Variants in NKTR observed in about 807,000 individuals in gnomAD.
NKTR encodes natural killer cell triggering receptor, also known as NK-tumor recognition protein.
Under a neutral mutation model 156.3 loss-of-function variants are expected in NKTR, and 67 were observed. The ratio of observed to expected loss-of-function variants is 0.43; its 90% CI spans 0.35 to 0.53. The LOEUF is 0.53. Ranked by LOEUF, NKTR falls within the 20% of genes least tolerant of loss-of-function variation. NKTR has a pLI of 0.01. For missense variants in NKTR, 1,604 were observed against 1,730.9 expected, an observed-to-expected ratio of 0.93 and a Z score of 1.30; for synonymous variants, 640 against 596.6, an observed-to-expected ratio of 1.07 and a Z score of -1.06.
intron 7 of NKTR, 173 bp downstream of exon 7, chr3:42,630,748 CAT>C: frequency 7.1e-7 from 1 of 1,412,336 alleles, no homozygotes; most frequent in Non-Finnish European, 9.3e-7. Flanking sequence ...CCATGGCTCT[CAT>C]GTGACTGAAG....
At chr3:42,616,341 A>G (rs1559558676) in intron 2 of NKTR, among the ~76,000 whole-genome samples, 1 of 152,228 alleles carries the variant, frequency 6.6e-6, no homozygotes, top group Non-Finnish European at 1.5e-5. Context: ...TTCTTATTTT[A>G]TTGATACGCT....
rs1172549192 is a variant in NKTR, at chr3:42,619,531, CTG to C, written c.242-132_242-131del. 7 of 1,516,224 alleles carry C rather than the reference CTG, an allele frequency of 4.6e-6. No homozygotes were observed. In the East Asian group the frequency reaches 1.5e-4, roughly 32 times the overall value. The allele number at this position is 1,516,224 out of a possible 1,614,324, so 93.9% of individuals were successfully genotyped here. ...TTACAGATGAAGTTAATTGAGGACT[CTG>C]AGAATTTTGATTATTGCAGCAGTTA... On this transcript the variant is annotated intron_variant, in intron 4 of 16. Transcript: ENST00000232978.
At position 42,639,079 on chromosome 3, in the gene NKTR, A is replaced by C; in HGVS notation, c.3375A>C (p.Thr1125=). Residue 1125 remains threonine, a synonymous_variant, in exon 13 of 17, where the codon ACA becomes ACC. Coordinates refer to ENST00000232978, the MANE Select transcript of NKTR (RefSeq NM_005385.4). The stretch of plus-strand genomic sequence containing the variant: ...ATGGAGTGGAAGATGTGCTTCAAAC[A>C]GATGACAACATGGAGATCTGCACTC... ...VPNGVEDVLQ[T]DDNMEICTPD... The C allele has an allele frequency of 6.2e-7, 1 of 1,614,114 alleles. No individual in the cohort carries two copies. Among genetic ancestry groups the C allele is most frequent in the Non-Finnish European group, 8.5e-7 (1 of 1,180,014 alleles).
intron 2 of NKTR, among the ~76,000 whole-genome samples, chr3:42,607,523 G>A (rs1034050401): frequency 6.6e-6 from 1 of 151,990 alleles, no homozygotes; most frequent in Admixed American, 6.6e-5. Context: ...AAAAAAAGAT[G>A]GAGACTGTTT....
At chr3:42,624,755 A>T (rs1485254053) in intron 6 of NKTR, among the ~76,000 whole-genome samples, 1 of 152,188 alleles carries the variant, frequency 6.6e-6, no homozygotes, top group Non-Finnish European at 1.5e-5. Flanking sequence ...GATTAGAAGC[A>T]TCAAACATTT....
At chr3:42,610,667 A>C (rs1305874026) in intron 2 of NKTR, among the ~76,000 whole-genome samples, 1 of 151,798 alleles carries the variant, frequency 6.6e-6, no homozygotes, top group Non-Finnish European at 1.5e-5. Context: ...TAGATTTCCT[A>C]ATGTTGAATA....
chr3:42,611,895 A>C (rs1706857917), intron 2 of NKTR, among the ~76,000 whole-genome samples: 1 of 152,058 alleles, frequency 6.6e-6, no homozygotes, highest in Non-Finnish European at 1.5e-5. Flanking sequence ...CTCCAACTGA[A>C]ATTATTTTTA....
chr3:42,630,023 CAG>C lies in NKTR; in HGVS notation c.375-521_375-520del, dbSNP rs1014773808. 7 of 985,442 alleles carry C rather than the reference CAG, an allele frequency of 7.1e-6. No individual in the cohort carries two copies. The Admixed American group carries it at 1.8e-4, about 26-fold the overall frequency. 61.0% of individuals were successfully genotyped at this position (985,442 alleles called of 1,614,324 possible). A position where few individuals can be genotyped will look rare whatever the true frequency, so the allele number is the denominator to read the frequency against. On this transcript the variant is annotated intron_variant, in intron 6 of 16. Coordinates refer to ENST00000232978, the MANE Select transcript of NKTR (RefSeq NM_005385.4). ...GGAAGATGGGCAGGAATTCTGGAAA[CAG>C]AACTCCTGAGACCTACCTCTGCCTG...
Position 42,639,349 on chromosome 3 carries a change from G to A in NKTR, c.3645G>A (p.Glu1215=). The change falls in exon 13 of 17, where the codon GAG becomes GAA. Residue 1215 remains glutamate (E), a synonymous_variant. Coordinates refer to ENST00000232978, the MANE Select transcript of NKTR (RefSeq NM_005385.4). ...GTACCGGGAAGAAGGAGGTGGCTGA[G>A]AAGAGCCAGATCAACCTCATTGATA... ...GESTGKKEVA[E]KSQINLIDKK... 6.2e-7 allele frequency: 1 copy of A among 1,614,142 alleles called. No individual in the cohort carries two copies. The highest frequency in any genetic ancestry group is 8.5e-7 in the Non-Finnish European group (1 of 1,180,026).
chr3:42,620,683 AACTCTAAGTGATC>A (rs1707828231), intron 5 of NKTR: 1 of 984,370 alleles, frequency 1.0e-6, no homozygotes, highest in South Asian at 4.7e-5. Context: ...GAATTAAAAT[AACTCTAAGTGATC>A]TTTATCACAG....
At chr3:42,636,533 G>C (rs1709430995) in intron 12 of NKTR, among the ~76,000 whole-genome samples, 1 of 152,190 alleles carries the variant, frequency 6.6e-6, no homozygotes, top group Non-Finnish European at 1.5e-5. Context: ...TAGAGGCAGA[G>C]GGTTGTGAGC....
intron 2 of NKTR, among the ~76,000 whole-genome samples, chr3:42,616,306 A>G (rs1269349330): frequency 6.6e-6 from 1 of 152,230 alleles, no homozygotes; most frequent in Non-Finnish European, 1.5e-5. Flanking sequence ...ACTGAAGAGT[A>G]ATTAATTGCA....
At chr3:42,613,077 A>T (rs899732028) in intron 2 of NKTR, among the ~76,000 whole-genome samples, 1 of 152,032 alleles carries the variant, frequency 6.6e-6, no homozygotes, top group African/African-American at 2.4e-5. Flanking sequence ...GTCTCTGGGG[A>T]TATAGTGGTA....
chr3:42,619,403 C>G (rs1707702468), intron 4 of NKTR: 1 of 1,243,932 alleles, frequency 8.0e-7, no homozygotes, highest in Admixed American at 3.6e-5. Context: ...TGTCTGATTG[C>G]TTTTGTTCTG....
In NKTR at chr3:42,645,968, A is replaced by G; in HGVS notation, c.4382A>G (p.Tyr1461Cys). 1.2e-6 allele frequency: 2 copies of G among 1,611,318 alleles called. No individual in the cohort carries two copies. Among genetic ancestry groups the G allele is most frequent in the Non-Finnish European group, 1.7e-6 (2 of 1,177,720 alleles). Residue 1461 changes from tyrosine (Y) to cysteine (C), a missense_variant, in exon 17 of 17, where the codon TAC (tyrosine) becomes TGC (cysteine). Transcript: ENST00000232978. ...CGGAGCCCCAGTGAGAGCAGCAGAT[A>G]CAGTTGAAAACGTCCGGATACAAAT... ...HHRSPSESSRYS is the reference protein window; with the variant it reads ...HHRSPSESSRCS
intron 8 of NKTR, 103 bp downstream of exon 8, chr3:42,631,419 C>T: frequency 7.8e-7 from 1 of 1,287,798 alleles, no homozygotes; most frequent in South Asian, 1.5e-5. Flanking sequence ...AGCAATAGCC[C>T]TTGGTGCCCC....
intron 12 of NKTR, 134 bp downstream of exon 12, chr3:42,635,500 A>C: frequency 1.5e-6 from 1 of 648,180 alleles, no homozygotes; most frequent in Non-Finnish European, 2.5e-6. Flanking sequence ...AAGGAAATAC[A>C]TTTGGGACTA....
Position 42,630,584 on chromosome 3 carries a change from T to TA in NKTR, c.404+10dup, listed in dbSNP as rs1478700465. On this transcript the variant is annotated intron_variant, in intron 7 of 16. Coordinates refer to ENST00000232978, the MANE Select transcript of NKTR (RefSeq NM_005385.4). The stretch of plus-strand genomic sequence containing the variant: ...GCTCCACACCTGGATGGGTAAGAGT[T>TA]ACATTCTTACTACATTGGGGAAGTG... 2 of 1,613,562 alleles carry TA rather than the reference T, an allele frequency of 1.2e-6. No individual in the cohort carries two copies. The highest frequency in any genetic ancestry group is 1.7e-6 in the Non-Finnish European group (2 of 1,179,642).
In NKTR at chr3:42,627,252, C is replaced by G. The variant is rs1365278145; in HGVS notation, c.375-3294C>G. 5.1e-6 allele frequency: 5 copies of G among 985,024 alleles called. No individual in the cohort carries two copies. The African/African-American group carries it at 8.8e-5, about 17-fold the overall frequency. 61.0% of individuals were successfully genotyped at this position (985,024 alleles called of 1,614,324 possible). On this transcript the variant is annotated intron_variant, in intron 6 of 16. Transcript: ENST00000232978. ...GGTAATGTCTCATTACTCTAAGGCT[C>G]TCTCTCTCTTTGCCTTTATCTCTTT...
Sources: allele counts gnomAD v4.1 joint callset (sites outside exome capture counted in the v4.1 genomes callset), GRCh38; gene constraint gnomAD v4.1.1; transcripts MANE v1.5; gene names NCBI Gene and HGNC (gene_info 2026-07-23, HGNC 2026-07-21).